DMD: variants seen among roughly 807,000 people sequenced by gnomAD.
DMD encodes mutant dystrophin.
DMD carries 63 observed loss-of-function variants against 330.1 expected under a neutral mutation model. That is an observed-to-expected ratio of 0.19 (90% CI 0.16 to 0.24). DMD has a LOEUF of 0.24. Ranked by LOEUF, DMD falls within the 10% of genes least tolerant of loss-of-function variation. DMD has a pLI of 1.00. For missense variants in DMD, 3,344 were observed against 2,684.1 expected (o/e 1.25, Z -5.43); for synonymous variants, 1,223 against 959.8 (o/e 1.27, Z -5.07).
At chrX:31,628,062 G>A (rs1163390052) in intron 54 of DMD, among the ~76,000 whole-genome samples, 200 bp from the exon 55 acceptor site, 3 of 110,964 alleles carry the variant, frequency 2.7e-5, no homozygotes, top group Admixed American at 9.7e-5. Flanking sequence ...ACTTAAAGGC[G>A]TTTGTATGGG....
intron 74 of DMD, among the ~76,000 whole-genome samples, chrX:31,153,819 C>T (rs1200081442): frequency 1.8e-5 from 2 of 112,130 alleles, no homozygotes; most frequent in African/African-American, 3.2e-5. Flanking sequence ...ACTAGTTTTT[C>T]CTCCTGAAGC....
At chrX:31,408,832 C>T (rs1444131644) in intron 60 of DMD, among the ~76,000 whole-genome samples, 1 of 111,887 alleles carries the variant, frequency 8.9e-6, no homozygotes, top group Non-Finnish European at 1.9e-5. Context: ...ATGTGCACAA[C>T]GTGCAGGTTT....
intron 42 of DMD, among the ~76,000 whole-genome samples, chrX:32,291,622 G>A (rs189609020): frequency 9.0e-6 from 1 of 111,541 alleles, no homozygotes; most frequent in East Asian, 2.8e-4. Context: ...ATCTGGCCTG[G>A]GCATCCACAT....
chrX:31,526,250 A>T (rs1440007598), intron 55 of DMD, among the ~76,000 whole-genome samples: 1 of 112,398 alleles, frequency 8.9e-6, no homozygotes, highest in African/African-American at 3.2e-5. Context: ...TTGGAGAGGC[A>T]GTTTTACTTT....
chrX:32,267,114 A>C (rs2097347743), intron 43 of DMD, among the ~76,000 whole-genome samples: 1 of 112,485 alleles, frequency 8.9e-6, no homozygotes, highest in South Asian at 3.6e-4. Context: ...AAACAAAGTA[A>C]AACAAAAACC....
chrX:32,513,239 G>A (rs968119060), intron 18 of DMD, among the ~76,000 whole-genome samples: 4 of 112,151 alleles, frequency 3.6e-5, no homozygotes, highest in Admixed American at 1.9e-4. Flanking sequence ...AAGCCTAACT[G>A]AAGTGCCAAG....
At chrX:31,414,768 T>G (rs894355759) in intron 60 of DMD, among the ~76,000 whole-genome samples, 1 of 112,228 alleles carries the variant, frequency 8.9e-6, no homozygotes, top group African/African-American at 3.2e-5. Context: ...GGAATTTTAA[T>G]GGGATTTCTA....
At chrX:33,023,257 T>C (rs1279934104) in intron 1 of DMD, among the ~76,000 whole-genome samples, 2 of 112,074 alleles carry the variant, frequency 1.8e-5, no homozygotes, top group African/African-American at 6.5e-5. Flanking sequence ...GCTCTTTCCT[T>C]TTGTTTGCTA....
Position 32,700,517 on chromosome X carries a change from T to C in DMD, c.650-1224A>G, listed in dbSNP as rs563737448. Among the ~76,000 whole-genome samples the C allele has an allele frequency of 6.3e-5, 7 of 111,315 alleles. No individual in the cohort carries two copies. The South Asian group carries it at 2.6e-3, about 41-fold the overall frequency. ...CAACCTAGTTTATAACAATGTATTG[T>C]ATTCCTAAAAATTGCTGCGAGAGTA... On this transcript the variant is annotated intron_variant, in intron 7 of 78. Transcript: ENST00000357033.
chrX:33,229,638 A>G (rs1327764147), intron 1 of DMD, among the ~76,000 whole-genome samples: 1 of 111,766 alleles, frequency 8.9e-6, no homozygotes, highest in African/African-American at 3.2e-5. Flanking sequence ...CTCTCCCCCA[A>G]TTCCACACTG....
intron 62 of DMD, among the ~76,000 whole-genome samples, chrX:31,316,126 T>C (rs2055988891): frequency 1.8e-5 from 2 of 112,136 alleles, no homozygotes; most frequent in Non-Finnish European, 3.8e-5. Context: ...GTACCATTCA[T>C]ACATCCATGC....
intron 26 of DMD, 51 bp downstream of exon 26, chrX:32,454,611 T>G: frequency 9.5e-7 from 1 of 1,047,150 alleles, no homozygotes; most frequent in Non-Finnish European, 1.3e-6. Flanking sequence ...ATTTCTTTCT[T>G]TTTCCATTTA....
At chrX:32,087,498 T>C (rs1158085368) in intron 44 of DMD, among the ~76,000 whole-genome samples, 1 of 111,564 alleles carries the variant, frequency 9.0e-6, no homozygotes, top group Non-Finnish European at 1.9e-5. Context: ...AATAGGAACA[T>C]GATCTGGACG....
intron 16 of DMD, among the ~76,000 whole-genome samples, chrX:32,548,211 C>A (rs955839651): frequency 4.5e-5 from 5 of 110,894 alleles, no homozygotes; most frequent in Admixed American, 3.9e-4. Context: ...AATAGAAACT[C>A]CATATTTAGG....
At chrX:32,200,476 ATATG>A (rs1229325621) in intron 44 of DMD, among the ~76,000 whole-genome samples, 1 of 111,452 alleles carries the variant, frequency 9.0e-6, no homozygotes, top group South Asian at 3.7e-4. Context: ...AACGTGTTAT[ATATG>A]TAACACGTTA....
At chrX:32,037,073 G>C (rs112197158) in intron 44 of DMD, among the ~76,000 whole-genome samples, 1 of 111,748 alleles carries the variant, frequency 8.9e-6, no homozygotes, top group Non-Finnish European at 1.9e-5. Flanking sequence ...AATATAGATA[G>C]GTTGTTTATG....
intron 55 of DMD, among the ~76,000 whole-genome samples, chrX:31,518,752 C>T (rs766129693): frequency 9.0e-6 from 1 of 111,084 alleles, no homozygotes; most frequent in South Asian, 3.8e-4. Flanking sequence ...AATAGGCCTT[C>T]TTTATCCCCT....
At position 32,717,893 on chromosome X, in the gene DMD, G is replaced by T. The variant is rs755740390; in HGVS notation, c.650-18600C>A. On this transcript the variant is annotated intron_variant, in intron 7 of 78. Coordinates refer to ENST00000357033, the MANE Select transcript of DMD (RefSeq NM_004006.3). ...TTTAAGATTTAATGACTACCCTGCTGGGTTTTGGACTTGCACAGGGCCTGT... is the reference window on the plus strand; with the variant it reads ...TTTAAGATTTAATGACTACCCTGCTTGGTTTTGGACTTGCACAGGGCCTGT... Among the ~76,000 whole-genome samples, 5 of 111,491 alleles carry T rather than the reference G, an allele frequency of 4.5e-5. No individual in the cohort carries two copies. In the East Asian group the frequency reaches 1.4e-3, roughly 32 times the overall value.
Position 32,485,000 on chromosome X carries a change from C to A in DMD, c.2722G>T (p.Asp908Tyr), listed in dbSNP as rs759543460. The change falls in exon 21 of 79, where the codon GAT (aspartate) becomes TAT (tyrosine). Residue 908 changes from aspartate to tyrosine, a missense_variant. By Grantham distance (160) the Asp-to-Tyr change is radical. Transcript: ENST00000357033. ...TTTGTAAAGGCCACAAAGTCTGCAT[C>A]CAGGAACATGGGTCCTTGTCCTTTC... is the stretch of plus-strand genomic sequence containing the variant. The part of the protein sequence containing the change: ...KEKGQGPMFL[D>Y]ADFVAFTNHF... 4.1e-6 allele frequency: 5 copies of A among 1,211,520 alleles called. No homozygotes were observed. In the South Asian group the frequency reaches 7.0e-5, roughly 17 times the overall value.
Sources: gnomAD v4.1 joint callset for allele counts (sites outside exome capture counted in the v4.1 genomes callset) on GRCh38, gnomAD v4.1.1 for gene constraint, MANE v1.5 for transcripts, NCBI Gene and HGNC (gene_info 2026-07-23, HGNC 2026-07-21) for gene names.